The following ZBTB7C variants were observed in gnomAD, a reference collection of about 807,000 sequenced individuals.
The protein encoded by ZBTB7C is zinc finger and BTB domain containing 7C, also known as zinc finger and BTB domain-containing protein 7C.
ZBTB7C carries 8 observed loss-of-function variants against 25.7 expected under a neutral mutation model. The observed-to-expected ratio is 0.31, with a 90% CI of 0.18 to 0.56. The LOEUF (loss-of-function observed/expected upper bound fraction) is 0.56. ZBTB7C is among the 20% of genes least tolerant of loss of function. The probability of loss-of-function intolerance (pLI) is 0.91; values close to 1 mark genes in which losing one functional copy is unlikely to be tolerated. For missense variants in ZBTB7C, 824 were observed against 855.2 expected (o/e 0.96, Z 0.46); for synonymous variants, 394 against 369.0 (o/e 1.07, Z -0.78).
At chr18:48,141,343 T>C (rs1219264527) in intron 3 of ZBTB7C, among the ~76,000 whole-genome samples, 1 of 152,174 alleles carries the variant, frequency 6.6e-6, no homozygotes, top group Non-Finnish European at 1.5e-5. Flanking sequence ...CATGCTCGCA[T>C]TGATTTTTTT....
At chr18:48,055,844 TAC>T (rs765872370) in intron 3 of ZBTB7C, among the ~76,000 whole-genome samples, 6 of 152,104 alleles carry the variant, frequency 3.9e-5, no homozygotes, top group Non-Finnish European at 8.8e-5. Context: ...ATCATAAATT[TAC>T]AGTGAAAATA....
chr18:48,073,697 C>A (rs2037644520), intron 3 of ZBTB7C, among the ~76,000 whole-genome samples: 1 of 152,026 alleles, frequency 6.6e-6, no homozygotes, highest in Non-Finnish European at 1.5e-5. Context: ...AGGGCTGAGT[C>A]TGGCTGTGGC....
At chr18:48,066,418 A>G (rs976398177) in intron 3 of ZBTB7C, among the ~76,000 whole-genome samples, 1 of 152,238 alleles carries the variant, frequency 6.6e-6, no homozygotes, top group African/African-American at 2.4e-5. Context: ...TTTGATTTAA[A>G]GCAAAATCTA....
At chr18:48,284,700 A>C (rs2044983356) in intron 2 of ZBTB7C, among the ~76,000 whole-genome samples, 1 of 150,812 alleles carries the variant, frequency 6.6e-6, no homozygotes, top group Admixed American at 6.6e-5. Flanking sequence ...CTGAGGCACG[A>C]GAATTGCTTG....
intron 3 of ZBTB7C, among the ~76,000 whole-genome samples, chr18:48,135,572 C>T (rs1344589698): frequency 6.6e-6 from 1 of 152,082 alleles, no homozygotes; most frequent in Non-Finnish European, 1.5e-5. Context: ...CAGGTTGTGC[C>T]TTAAGGGGGG....
chr18:48,325,809 G>A (rs2046204536), intron 2 of ZBTB7C, among the ~76,000 whole-genome samples: 1 of 152,156 alleles, frequency 6.6e-6, no homozygotes, highest in Non-Finnish European at 1.5e-5. Flanking sequence ...AGGGCTTGTG[G>A]AGGGTCACTT....
chr18:48,171,408 T>G (rs1439622696), intron 3 of ZBTB7C, among the ~76,000 whole-genome samples: 4 of 152,082 alleles, frequency 2.6e-5, no homozygotes, highest in African/African-American at 4.8e-5. Flanking sequence ...AGCCCTCACT[T>G]CCCCTACCTA....
At position 48,327,247 on chromosome 18, in the gene ZBTB7C, T is replaced by C. The variant is rs186448921; in HGVS notation, c.-79+10927A>G. 4.5e-3 allele frequency among the ~76,000 whole-genome samples: 686 copies of C among 152,282 alleles called. 7 individuals carry two copies. The highest frequency in any genetic ancestry group is 0.013 in the African/African-American group (552 of 41,556). ...AGGCCTGCCCTTCTCTGGAGGGCTA[T>C]GCCCACGTCTGCTCCATGACCCACC... is the stretch of plus-strand genomic sequence containing the variant. On this transcript the variant is annotated intron_variant, in intron 2 of 4. Transcript: ENST00000590800.
intron 2 of ZBTB7C, among the ~76,000 whole-genome samples, chr18:48,230,851 C>T (rs922382832): frequency 6.6e-6 from 1 of 152,214 alleles, no homozygotes; most frequent in Non-Finnish European, 1.5e-5. Flanking sequence ...CTCAGAAGTG[C>T]CTGCTCCCGC....
rs146577322 is a variant in ZBTB7C, at chr18:48,067,049, C to T, written c.-16-25926G>A. Among the ~76,000 whole-genome samples, 224 of 152,278 alleles carry T rather than the reference C, an allele frequency of 1.5e-3. 1 individual carries two copies. Among genetic ancestry groups the T allele is most frequent in the African/African-American group, 5.2e-3 (215 of 41,546 alleles). ...CCCAGGAGGTGGAGGTTGCAGTGAGCCAAGATTGTGCCACTGCACTCTAGC... is the reference window on the plus strand; with the variant it reads ...CCCAGGAGGTGGAGGTTGCAGTGAGTCAAGATTGTGCCACTGCACTCTAGC... On this transcript the variant is annotated intron_variant, in intron 3 of 4. Transcript: ENST00000590800.
intron 3 of ZBTB7C, among the ~76,000 whole-genome samples, chr18:48,166,683 G>A (rs1055517201): frequency 6.6e-6 from 1 of 152,202 alleles, no homozygotes; most frequent in East Asian, 1.9e-4. Flanking sequence ...GCAGGGAGAC[G>A]GGCCAAGGAG....
chr18:48,262,866 C>T (rs1019879338), intron 2 of ZBTB7C, among the ~76,000 whole-genome samples: 4 of 152,238 alleles, frequency 2.6e-5, no homozygotes, highest in African/African-American at 9.6e-5. Context: ...GCCCAGCAGC[C>T]AGTATCACTG....
chr18:48,327,690 T>G (rs1166600692), intron 2 of ZBTB7C, among the ~76,000 whole-genome samples: 1 of 150,520 alleles, frequency 6.6e-6, no homozygotes, highest in Non-Finnish European at 1.5e-5. Context: ...CAGCTGAGGA[T>G]GGAGGCTTCA....
intron 2 of ZBTB7C, among the ~76,000 whole-genome samples, chr18:48,319,597 T>C (rs1223252475): frequency 6.6e-6 from 1 of 152,214 alleles, no homozygotes; most frequent in Admixed American, 6.5e-5. Flanking sequence ...AGTGATTACA[T>C]ACAGCATAAC....
At chr18:48,114,437 C>T (rs1371227530) in intron 3 of ZBTB7C, among the ~76,000 whole-genome samples, 1 of 152,004 alleles carries the variant, frequency 6.6e-6, no homozygotes, top group African/African-American at 2.4e-5. Context: ...GCCATCTCTG[C>T]TAAAAATACA....
intron 2 of ZBTB7C, among the ~76,000 whole-genome samples, chr18:48,194,595 A>T (rs1233385421): frequency 6.6e-6 from 1 of 150,574 alleles, no homozygotes; most frequent in African/African-American, 2.4e-5. Context: ...ATTTGGAGAG[A>T]TAGGGGTGAA....
intron 3 of ZBTB7C, among the ~76,000 whole-genome samples, chr18:48,095,396 C>G (rs954302786): frequency 9.2e-5 from 14 of 152,160 alleles, no homozygotes; most frequent in Non-Finnish European, 1.5e-4. Flanking sequence ...GGTTGGCCAG[C>G]AGGGATGTCA....
intron 2 of ZBTB7C, among the ~76,000 whole-genome samples, chr18:48,249,105 C>T (rs971241935): frequency 6.6e-6 from 1 of 152,132 alleles, no homozygotes; most frequent in African/African-American, 2.4e-5. Flanking sequence ...ATTAGAAAAA[C>T]AGTTTTTGCT....
intron 3 of ZBTB7C, among the ~76,000 whole-genome samples, chr18:48,119,474 C>T (rs1045772593): frequency 2.0e-5 from 3 of 152,254 alleles, no homozygotes; most frequent in African/African-American, 4.8e-5. Context: ...CCAGGCACCT[C>T]CCTTTCCTTC....
Sources: gnomAD v4.1 joint callset for allele counts (sites outside exome capture counted in the v4.1 genomes callset) on GRCh38, gnomAD v4.1.1 for gene constraint, MANE v1.5 for transcripts, NCBI Gene and HGNC (gene_info 2026-07-23, HGNC 2026-07-21) for gene names.